Variants in FSTL5 observed in about 807,000 individuals in gnomAD.
FSTL5 encodes follistatin like 5.
A neutral mutation model predicts 89.1 loss-of-function variants in FSTL5; 62 were observed. That is an observed-to-expected ratio of 0.70 (90% CI 0.57 to 0.86). FSTL5 has a LOEUF of 0.86. Among genes scored for constraint, FSTL5 ranks in the 40% least tolerant of loss-of-function variants. The probability of loss-of-function intolerance (pLI) is 0.00; values close to 1 mark genes in which losing one functional copy is unlikely to be tolerated. For synonymous variants in FSTL5, 383 were observed against 346.2 expected, an observed-to-expected ratio of 1.11 and a Z score of -1.18; for missense variants, 1,057 against 1,001.6, an observed-to-expected ratio of 1.06 and a Z score of -0.75.
chr4:161,774,557 T>A (rs1444797499), intron 5 of FSTL5, among the ~76,000 whole-genome samples: 1 of 152,132 alleles, frequency 6.6e-6, no homozygotes, highest in East Asian at 1.9e-4. Flanking sequence ...CCAGATCGAC[T>A]TGATCTGATG....
chr4:161,450,812 G>A (rs900808647), intron 15 of FSTL5, among the ~76,000 whole-genome samples: 25 of 146,730 alleles, frequency 1.7e-4, no homozygotes, highest in Admixed American at 1.6e-3. Flanking sequence ...GCACGATCTC[G>A]GCTTACTGCA....
intron 5 of FSTL5, among the ~76,000 whole-genome samples, chr4:161,768,646 T>C (rs1477967581): frequency 6.6e-6 from 1 of 151,952 alleles, no homozygotes; most frequent in African/African-American, 2.4e-5. Context: ...TTCAATCAAA[T>C]ATTCATGCCA....
chr4:161,916,715 TA>T (rs901912189), intron 4 of FSTL5, among the ~76,000 whole-genome samples: 5 of 152,092 alleles, frequency 3.3e-5, no homozygotes, highest in East Asian at 1.9e-4. Context: ...CATAAATCAC[TA>T]AAAAAATTAT....
At position 162,006,685 on chromosome 4, in the gene FSTL5, C is replaced by T. The variant is rs150023160; in HGVS notation, c.160+26940G>A. Among the ~76,000 whole-genome samples, 1,177 of 151,992 alleles carry T rather than the reference C, an allele frequency of 7.7e-3. 16 individuals carry two copies. Among genetic ancestry groups the T allele is most frequent in the African/African-American group, 0.027 (1,133 of 41,540 alleles). On this transcript the variant is annotated intron_variant, in intron 3 of 15. Transcript: ENST00000306100. ...TAGCTAAATATTTAATTAACCAACA[C>T]AATTTCTTTTATTTTGCCTCATTTG... is the stretch of plus-strand genomic sequence containing the variant.
chr4:161,878,954 T>A (rs1579163417), intron 4 of FSTL5, among the ~76,000 whole-genome samples: 1 of 152,166 alleles, frequency 6.6e-6, no homozygotes, highest in African/African-American at 2.4e-5. Context: ...GATTCTCAAT[T>A]TTTGTCTGCA....
intron 3 of FSTL5, among the ~76,000 whole-genome samples, chr4:161,965,396 G>A (rs755624528): frequency 3.6e-4 from 55 of 152,198 alleles, no homozygotes; most frequent in South Asian, 8.3e-4. Flanking sequence ...GGAAAAGTAA[G>A]TGAAATTTTT....
chr4:161,835,754 A>G (rs938723909), intron 4 of FSTL5, among the ~76,000 whole-genome samples: 9 of 152,242 alleles, frequency 5.9e-5, no homozygotes, highest in African/African-American at 1.9e-4. Flanking sequence ...CCACAATGGG[A>G]TACCATCCCA....
At chr4:161,803,527 A>C (rs1277809371) in intron 4 of FSTL5, among the ~76,000 whole-genome samples, 1 of 151,970 alleles carries the variant, frequency 6.6e-6, no homozygotes, top group East Asian at 1.9e-4. Context: ...TAAAAATTGT[A>C]ATAACTAGAT....
At chr4:161,779,793 A>ATGTG (rs1560840917) in intron 4 of FSTL5, among the ~76,000 whole-genome samples, 1 of 51,772 alleles carries the variant, frequency 1.9e-5, no homozygotes, top group Non-Finnish European at 3.0e-5. Flanking sequence ...ATATATATAT[A>ATGTG]TATATATATA....
At chr4:161,906,719 G>A (rs919127046) in intron 4 of FSTL5, among the ~76,000 whole-genome samples, 6 of 152,060 alleles carry the variant, frequency 3.9e-5, no homozygotes, top group African/African-American at 1.4e-4. Flanking sequence ...GTCAAATACA[G>A]CAAATATTGC....
At chr4:162,048,310 G>T (rs924082718) in intron 2 of FSTL5, among the ~76,000 whole-genome samples, 3 of 151,836 alleles carry the variant, frequency 2.0e-5, no homozygotes, top group Non-Finnish European at 4.4e-5. Flanking sequence ...CTCCAGCCTG[G>T]GCGACAAAGC....
intron 4 of FSTL5, among the ~76,000 whole-genome samples, chr4:161,828,784 T>G (rs188439900): frequency 6.6e-6 from 1 of 152,242 alleles, no homozygotes; most frequent in African/African-American, 2.4e-5. Flanking sequence ...AATTTAACAG[T>G]TATATTTATT....
chr4:162,083,246 C>A (rs1314173888), intron 2 of FSTL5, among the ~76,000 whole-genome samples: 1 of 151,686 alleles, frequency 6.6e-6, no homozygotes, highest in Admixed American at 6.6e-5. Flanking sequence ...CAAGTACTAA[C>A]ATTTTGTGAT....
At chr4:161,790,996 GA>G (rs1729450863) in intron 4 of FSTL5, among the ~76,000 whole-genome samples, 2 of 3,704 alleles carry the variant, frequency 5.4e-4, no homozygotes, top group South Asian at 0.12. Flanking sequence ...CTTTTTGAAA[GA>G]TCTAGATCTA....
chr4:162,145,903 T>C (rs1203728552), intron 1 of FSTL5, among the ~76,000 whole-genome samples: 3 of 152,216 alleles, frequency 2.0e-5, no homozygotes, highest in East Asian at 1.9e-4. Flanking sequence ...AACTTTTTTC[T>C]AAAAAAGTGA....
In FSTL5 at chr4:161,592,241, G is replaced by A. The variant is rs547796102; in HGVS notation, c.895-4666C>T. On this transcript the variant is annotated intron_variant, in intron 7 of 15. Coordinates refer to ENST00000306100, the MANE Select transcript of FSTL5 (RefSeq NM_020116.5). Reference sequence around the variant, plus strand: ...CAGCTGCAGAGAATGAGGATATGAGGTGCTGGTACAGAAAATTCTTTTTAT... The same window carrying A: ...CAGCTGCAGAGAATGAGGATATGAGATGCTGGTACAGAAAATTCTTTTTAT... Among the ~76,000 whole-genome samples the A allele has an allele frequency of 3.9e-5, 6 of 152,066 alleles. No homozygotes were observed. The South Asian group carries it at 1.2e-3, about 32-fold the overall frequency.
rs1029364216 is a variant in FSTL5, at chr4:161,968,013, CT to C, written c.161-47362del. Among the ~76,000 whole-genome samples the C allele has an allele frequency of 4.9e-3, 734 of 150,816 alleles. 2 individuals are homozygous for C. Among genetic ancestry groups the C allele is most frequent in the Admixed American group, 7.2e-3 (109 of 15,124 alleles). ...AAGAAAATAAATACTTGTGTATTTT[CT>C]TTTTTTTTAATTTGTTTATTTTAAA... On this transcript the variant is annotated intron_variant, in intron 3 of 15. Coordinates refer to ENST00000306100, the MANE Select transcript of FSTL5 (RefSeq NM_020116.5).
chr4:161,682,412 C>T (rs1737556260), intron 6 of FSTL5, among the ~76,000 whole-genome samples: 1 of 152,178 alleles, frequency 6.6e-6, no homozygotes. Context: ...CGTAACAACA[C>T]AACTTAAAAG....
At chr4:161,659,912 GCACCAATCA>G (rs1736648146) in intron 6 of FSTL5, among the ~76,000 whole-genome samples, 1 of 152,030 alleles carries the variant, frequency 6.6e-6, no homozygotes, top group Non-Finnish European at 1.5e-5. Context: ...GCAACAAATA[GCACCAATCA>G]TTTTATACCC....
Sources: allele counts gnomAD v4.1 joint callset (sites outside exome capture counted in the v4.1 genomes callset), GRCh38; gene constraint gnomAD v4.1.1; transcripts MANE v1.5; gene names NCBI Gene and HGNC (gene_info 2026-07-23, HGNC 2026-07-21).